Variants in SSC5D observed in about 807,000 individuals in gnomAD.
SSC5D encodes soluble scavenger receptor cysteine-rich domain-containing protein SSC5D.
A neutral mutation model predicts 104.6 loss-of-function variants in SSC5D; 106 were observed. The ratio of observed to expected loss-of-function variants is 1.01; its 90% confidence interval spans 0.87 to 1.19. SSC5D has a LOEUF of 1.19. Among genes scored for constraint, SSC5D ranks in the 50% most tolerant of loss-of-function variants. The probability of loss-of-function intolerance (pLI) is 0.00; values close to 1 mark genes in which losing one functional copy is unlikely to be tolerated. For missense variants in SSC5D, 1,993 were observed against 2,153.8 expected, an observed-to-expected ratio of 0.93 and a Z score of 1.48; for synonymous variants, 860 against 883.5, an observed-to-expected ratio of 0.97 and a Z score of 0.47.
chr19:55,500,095 C>G lies in SSC5D; in HGVS notation c.1985C>G (p.Ser662Ter), dbSNP rs1220624100. Reference sequence around the variant, plus strand: ...GCCCAAAGCCCCCCAGACCTAACCTCACAGACCACTGCAGCACTGACCACT... The same window carrying G: ...GCCCAAAGCCCCCCAGACCTAACCTGACAGACCACTGCAGCACTGACCACT... ...SRAQSPPDLT[S>*]QTTAALTTEA... The change falls in exon 10 of 14, where the codon TCA becomes TGA. Residue 662 changes from serine (S) to a stop codon, truncating the protein, a stop_gained. Transcript: ENST00000389623. LOFTEE classifies it high-confidence loss of function. This position sits in a 1 kb window ranked among gnomAD's most constrained non-coding sequence, Gnocchi z 4.6. 1.3e-6 allele frequency: 2 copies of G among 1,551,558 alleles called. No individual in the cohort carries two copies. Among genetic ancestry groups the G allele is most frequent in the African/African-American group, 2.7e-5 (2 of 72,980 alleles).
chr19:55,504,716 G>A (rs1207795761), intron 12 of SSC5D, among the ~76,000 whole-genome samples: 2 of 152,142 alleles, frequency 1.3e-5, no homozygotes, highest in African/African-American at 4.8e-5. Flanking sequence ...GGCCAGGCTG[G>A]TCTCAAAGCC....
intron 12 of SSC5D, among the ~76,000 whole-genome samples, chr19:55,505,287 A>T (rs376962292): frequency 1.3e-5 from 2 of 151,774 alleles, no homozygotes; most frequent in Non-Finnish European, 2.9e-5. Context: ...GGGAGATGAT[A>T]TTATTTCATC....
rs1599921636 is a variant in SSC5D, at chr19:55,500,862, A to C, written c.2617+58A>C. 1 of 1,411,054 alleles carries C rather than the reference A, an allele frequency of 7.1e-7. No homozygotes were observed. The highest frequency in any genetic ancestry group is 1.6e-5 in the African/African-American group (1 of 62,804). 87.4% of individuals were successfully genotyped at this position (1,411,054 alleles called of 1,614,324 possible). ...CGGGGGTGGCCAGGAGAATGGAGTC[A>C]GGGTGGGGCCAGGTGACGGCACCAT... On this transcript the variant is annotated intron_variant, in intron 11 of 13. Coordinates refer to ENST00000389623, the MANE Select transcript of SSC5D (RefSeq NM_001144950.2). This position sits in a 1 kb window ranked among gnomAD's most constrained non-coding sequence, Gnocchi z 4.6.
At position 55,489,661 on chromosome 19, in the gene SSC5D, A is replaced by G; in HGVS notation, c.360A>G (p.Ala120=). 1.3e-6 allele frequency: 2 copies of G among 1,531,734 alleles called. No individual in the cohort carries two copies. The allele number at this position is 1,531,734 out of a possible 1,614,324, so 94.9% of individuals were successfully genotyped here. ...AGGAGGACGCGGGCGTCGTCTGCGC[A>G]GGTGAGGACACCCTGGCTGCTCCTT... ...SHEEDAGVVC[A]GQRVANSRDD... The change falls in exon 3 of 14, where the codon GCA becomes GCG. Residue 120 remains alanine (A), a splice_region_variant and synonymous_variant. Coordinates refer to ENST00000389623, the MANE Select transcript of SSC5D (RefSeq NM_001144950.2).
intron 13 of SSC5D, among the ~76,000 whole-genome samples, chr19:55,516,275 A>G (rs1599930927): frequency 6.6e-6 from 1 of 151,938 alleles, no homozygotes; most frequent in Admixed American, 6.6e-5. Context: ...AGGCGGGCGG[A>G]TCACGAGGTC....
chr19:55,518,409 C>T lies in SSC5D; in HGVS notation c.4133C>T (p.Ser1378Phe). Reference protein sequence around the residue: ...FTAPAPHTSTSQIPTLEPSPA... With the variant: ...FTAPAPHTSTFQIPTLEPSPA... ...GCACCTGCCCCTCACACCTCCACAT[C>T]CCAGATACCCACCTTAGAGCCCTCT... Residue 1378 changes from serine to phenylalanine, a missense_variant, in exon 14 of 14, where the codon TCC (serine) becomes TTC (phenylalanine). Around this residue, in one of 6 missense-constraint regions of SSC5D, gnomAD observed 349 missense variants for 397.6 expected, o/e 0.88. Coordinates refer to ENST00000389623, the MANE Select transcript of SSC5D (RefSeq NM_001144950.2). 1 of 1,551,434 alleles carries T rather than the reference C, an allele frequency of 6.4e-7. No homozygotes were observed. The highest frequency in any genetic ancestry group is 8.7e-7 in the Non-Finnish European group (1 of 1,146,978).
chr19:55,498,166 T>G lies in SSC5D; in HGVS notation c.1674T>G (p.Ala558=), dbSNP rs1469294383. 6.4e-6 allele frequency: 10 copies of G among 1,551,576 alleles called. No homozygotes were observed. The Admixed American group carries it at 1.6e-4, about 24-fold the overall frequency. The change falls in exon 9 of 14, where the codon GCT becomes GCG. Residue 558 remains alanine (A), a synonymous_variant. Coordinates refer to ENST00000389623, the MANE Select transcript of SSC5D (RefSeq NM_001144950.2). Reference sequence around the variant, plus strand: ...CTCCCTGGGGAAAGCACAACTGCGCTCACAATGAGGATGTTGGGGTCACCT... The same window carrying G: ...CTCCCTGGGGAAAGCACAACTGCGCGCACAATGAGGATGTTGGGGTCACCT... The part of the protein sequence containing the change: ...PAAPWGKHNC[A]HNEDVGVTCT...
At chr19:55,515,339 C>G (rs1330087602) in intron 13 of SSC5D, among the ~76,000 whole-genome samples, 1 of 141,796 alleles carries the variant, frequency 7.1e-6, no homozygotes, top group Non-Finnish European at 1.5e-5. Flanking sequence ...GAGATTGCAG[C>G]GAGCCAAGAT....
chr19:55,511,382 C>T (rs1431664827), intron 12 of SSC5D, among the ~76,000 whole-genome samples: 3 of 152,036 alleles, frequency 2.0e-5, no homozygotes, highest in Non-Finnish European at 4.4e-5. Context: ...TGCCCTTCTG[C>T]CTGGTTTTGC....
intron 13 of SSC5D, 23 bp from the exon 14 acceptor site, chr19:55,517,201 G>C: frequency 6.5e-7 from 1 of 1,527,880 alleles, no homozygotes; most frequent in Non-Finnish European, 8.8e-7. Flanking sequence ...CAGACCGTCC[G>C]TCTGTCTTTC....
In SSC5D at chr19:55,490,875, C is replaced by T. The variant is rs1422817218; in HGVS notation, c.690C>T (p.Arg230=). The T allele has an allele frequency of 7.1e-6, 11 of 1,546,452 alleles. No homozygotes were observed. The highest frequency in any genetic ancestry group is 2.4e-5 in the East Asian group (1 of 40,880). Residue 230 remains arginine (R), a synonymous_variant, in exon 6 of 14, where the codon CGC becomes CGT. Transcript: ENST00000389623. ...GTVCDDGWDL[R]DAAVACRELG... ...TATGTGACGATGGCTGGGACCTGCG[C>T]GACGCTGCTGTAGCCTGCCGGGAAC...
intron 13 of SSC5D, among the ~76,000 whole-genome samples, chr19:55,516,846 T>G (rs1484636729): frequency 9.9e-5 from 15 of 151,996 alleles, no homozygotes; most frequent in Non-Finnish European, 1.5e-5. Flanking sequence ...CATCTCCCAG[T>G]CCCCCGCTGG....
intron 12 of SSC5D, among the ~76,000 whole-genome samples, chr19:55,507,481 A>G (rs544009794): frequency 6.6e-6 from 1 of 151,384 alleles, no homozygotes; most frequent in South Asian, 2.1e-4. Flanking sequence ...CCTGGCCAAC[A>G]TGGTGAAATC....
Position 55,517,346 on chromosome 19 carries a change from T to A in SSC5D, c.3070T>A (p.Ser1024Thr). The change falls in exon 14 of 14, where the codon TCT (serine) becomes ACT (threonine). Residue 1024 changes from serine to threonine, a missense_variant. This residue lies in a region of SSC5D where 423 missense variants were observed against 409.2 expected (regional missense o/e 1.03). Coordinates refer to ENST00000389623, the MANE Select transcript of SSC5D (RefSeq NM_001144950.2). Reference protein sequence around the residue: ...SPGPPGPALTSDSSRELTPHS... With the variant: ...SPGPPGPALTTDSSRELTPHS... ...GGGACCCCCAGGCCCAGCGCTGACC[T>A]CTGACTCCAGTCGAGAGCTCACTCC... 8 of 1,550,226 alleles carry A rather than the reference T, an allele frequency of 5.2e-6. No individual in the cohort carries two copies.
intron 6 of SSC5D, chr19:55,492,768 A>C (rs721780): frequency 0.47 from 71,025 of 151,928 alleles, 17,160 homozygotes; most frequent in South Asian, 0.57. Context: ...GTTACAGGCT[A>C]ACACCTGTAG....
intron 13 of SSC5D, among the ~76,000 whole-genome samples, chr19:55,513,742 TA>T (rs1370359345): frequency 6.6e-6 from 1 of 152,052 alleles, no homozygotes; most frequent in East Asian, 1.9e-4. Flanking sequence ...GGGGTGGTGA[TA>T]AACATTCACA....
At chr19:55,512,148 C>T (rs1987770751) in intron 12 of SSC5D, among the ~76,000 whole-genome samples, 1 of 148,378 alleles carries the variant, frequency 6.7e-6, no homozygotes, top group African/African-American at 2.5e-5. Context: ...TGCAGTGAGC[C>T]GATATTGCGC....
intron 12 of SSC5D, among the ~76,000 whole-genome samples, chr19:55,508,987 C>A (rs1180507546): frequency 1.3e-5 from 2 of 151,774 alleles, no homozygotes; most frequent in African/African-American, 4.8e-5. Flanking sequence ...GAGGGCATGG[C>A]CTGTGGACTA....
At position 55,500,217 on chromosome 19, in the gene SSC5D, C is replaced by T. The variant is rs1323491913; in HGVS notation, c.2107C>T (p.Gln703Ter). The change falls in exon 10 of 14, where the codon CAG becomes TAG. Residue 703 changes from glutamine to a stop codon, truncating the protein, a stop_gained. Transcript: ENST00000389623. LOFTEE classifies it high-confidence loss of function. The surrounding 1 kb of genome is among the most constrained non-coding windows in gnomAD (Gnocchi z 4.6). ...TCACACCACTGCCACGCTGACCCCT[C>T]AGGCCCCCCGAGAACGGACCACTAA... is the stretch of plus-strand genomic sequence containing the variant. ...TSHTTATLTP[Q>*]APRERTTKTM... 6.4e-7 allele frequency: 1 copy of T among 1,551,448 alleles called. No homozygotes were observed. Among genetic ancestry groups the T allele is most frequent in the East Asian group, 2.4e-5 (1 of 40,894 alleles).
Sources: allele counts gnomAD v4.1 joint callset (sites outside exome capture counted in the v4.1 genomes callset), GRCh38; gene constraint gnomAD v4.1.1; regional missense constraint gnomAD v4.1.1; non-coding constraint Gnocchi (gnomAD v3.1); transcripts MANE v1.5; gene names NCBI Gene and HGNC (gene_info 2026-07-23, HGNC 2026-07-21).